SPEF2: variants seen among roughly 807,000 people sequenced by gnomAD.
The protein encoded by SPEF2 is sperm flagellar and cilia associated 2, also known as sperm flagella and cilia-associated protein 2.
A neutral mutation model predicts 224.6 loss-of-function variants in SPEF2; 187 were observed. The observed-to-expected ratio is 0.83, with a 90% confidence interval of 0.74 to 0.94. The LOEUF (loss-of-function observed/expected upper bound fraction) is 0.94. Ranked by LOEUF, SPEF2 falls within the 40% of genes least tolerant of loss-of-function variation. The probability of loss-of-function intolerance (pLI) is 0.00; values close to 1 mark genes in which losing one functional copy is unlikely to be tolerated. For missense variants in SPEF2, 2,170 were observed against 2,135.6 expected (o/e 1.02, Z -0.32); for synonymous variants, 715 against 707.3 (o/e 1.01, Z -0.17).
Position 35,737,122 on chromosome 5 carries a change from CT to C in SPEF2, c.3064-2788del, listed in dbSNP as rs963057045. Among the ~76,000 whole-genome samples the C allele has an allele frequency of 2.8e-4, 43 of 151,484 alleles. 1 individual carries two copies. Among genetic ancestry groups the C allele is most frequent in the Admixed American group, 7.9e-4 (12 of 15,206 alleles). On this transcript the variant is annotated intron_variant, in intron 21 of 36. Coordinates refer to ENST00000356031, the MANE Select transcript of SPEF2 (RefSeq NM_024867.4). ...TCTTGACCTCACTTGTTAACAATTT[CT>C]TTTTTTTTGTCATATCCTCATTTAT...
chr5:35,798,686 C>T (rs1230682752), intron 33 of SPEF2, among the ~76,000 whole-genome samples: 3 of 152,046 alleles, frequency 2.0e-5, no homozygotes, highest in Non-Finnish European at 4.4e-5. Flanking sequence ...CTCCACCTCC[C>T]GGGTTCAAGC....
At chr5:35,808,325 G>T (rs1758309319) in intron 36 of SPEF2, 1 of 243,830 alleles carries the variant, frequency 4.1e-6, no homozygotes, top group African/African-American at 2.3e-5. Context: ...ATGTATACAT[G>T]TGCCATGTTG....
At chr5:35,689,906 T>C (rs1402896220) in intron 10 of SPEF2, among the ~76,000 whole-genome samples, 1 of 152,190 alleles carries the variant, frequency 6.6e-6, no homozygotes, top group African/African-American at 2.4e-5. Context: ...AGTAGAAATT[T>C]CATTATCCAT....
intron 32 of SPEF2, among the ~76,000 whole-genome samples, chr5:35,793,761 C>CATAA (rs1216889436): frequency 6.8e-6 from 1 of 146,854 alleles, no homozygotes; most frequent in Admixed American, 6.8e-5. Context: ...CACACACACA[C>CATAA]ACACACAGGG....
In SPEF2 at chr5:35,671,640, T is replaced by C. The variant is rs148784978; in HGVS notation, c.1524+1413T>C. On this transcript the variant is annotated intron_variant, in intron 10 of 36. Coordinates refer to ENST00000356031, the MANE Select transcript of SPEF2 (RefSeq NM_024867.4). ...CTAAACAGCTCAATCTCTATTCTTGTTGCTCTTACAAATCAGGAGACCTAG... is the reference window on the plus strand; with the variant it reads ...CTAAACAGCTCAATCTCTATTCTTGCTGCTCTTACAAATCAGGAGACCTAG... The C allele has an allele frequency of 1.6e-3, 945 of 579,626 alleles. 10 individuals carry two copies. In the African/African-American group the frequency reaches 0.019, roughly 11 times the overall value. 35.9% of individuals were successfully genotyped at this position (579,626 alleles called of 1,614,324 possible).
intron 10 of SPEF2, chr5:35,670,608 C>T (rs1278011452): frequency 1.0e-6 from 1 of 986,062 alleles, no homozygotes; most frequent in African/African-American, 1.7e-5. Flanking sequence ...AAATAATAGA[C>T]TTTTTTTACA....
chr5:35,813,080 G>T (rs1580820198), intron 36 of SPEF2, among the ~76,000 whole-genome samples: 1 of 152,088 alleles, frequency 6.6e-6, no homozygotes, highest in Non-Finnish European at 1.5e-5. Flanking sequence ...TTTTCCCCTT[G>T]CTATGGAGTG....
intron 30 of SPEF2, chr5:35,791,469 G>C (rs1002785387): frequency 6.6e-6 from 1 of 152,152 alleles, no homozygotes; most frequent in Non-Finnish European, 1.5e-5. Context: ...CCTTGGGATA[G>C]TGTGTCTATG....
chr5:35,722,452 G>A (rs566964096), intron 20 of SPEF2, among the ~76,000 whole-genome samples: 2,078 of 82,182 alleles, frequency 0.025, 46 homozygotes, highest in African/African-American at 0.072. Context: ...GCAACAGTGA[G>A]AGGTTTTTTT....
chr5:35,735,753 T>G (rs1225912783), intron 21 of SPEF2, among the ~76,000 whole-genome samples: 1 of 152,260 alleles, frequency 6.6e-6, no homozygotes, highest in Non-Finnish European at 1.5e-5. Context: ...TGGTTTTGAT[T>G]GTTTATTTGC....
Position 35,773,887 on chromosome 5 carries a change from T to C in SPEF2, c.3950-6T>C. 1.2e-6 allele frequency: 2 copies of C among 1,610,682 alleles called. No individual in the cohort carries two copies. The highest frequency in any genetic ancestry group is 1.7e-6 in the Non-Finnish European group (2 of 1,178,666). On this transcript the variant is annotated splice_polypyrimidine_tract_variant and splice_region_variant and intron_variant, in intron 27 of 36. Coordinates refer to ENST00000356031, the MANE Select transcript of SPEF2 (RefSeq NM_024867.4). Reference sequence around the variant, plus strand: ...GTTTACTCAGCATGTTTCATTGCCCTTTCAGGTAAATCACCACCTATGGCA... The same window carrying C: ...GTTTACTCAGCATGTTTCATTGCCCCTTCAGGTAAATCACCACCTATGGCA...
intron 23 of SPEF2, among the ~76,000 whole-genome samples, chr5:35,740,474 G>A (rs1747420442): frequency 6.6e-6 from 1 of 152,212 alleles, no homozygotes; most frequent in Admixed American, 6.5e-5. Flanking sequence ...CTTCTGGAAA[G>A]AGGGGCCAAA....
chr5:35,699,496 GA>G (rs1173274755), intron 15 of SPEF2: 1 of 152,152 alleles, frequency 6.6e-6, no homozygotes, highest in Non-Finnish European at 1.5e-5. Context: ...AGACTCACTT[GA>G]ATTTGTGTTA....
intron 5 of SPEF2, among the ~76,000 whole-genome samples, chr5:35,647,815 A>G (rs1018889789): frequency 4.6e-5 from 7 of 152,220 alleles, no homozygotes; most frequent in Non-Finnish European, 1.0e-4. Flanking sequence ...TGCTATCAGT[A>G]TATTTAAATT....
In SPEF2 at chr5:35,641,559, TATATC is replaced by T. The variant is rs1746626084; in HGVS notation, c.292_296del (p.Tyr98IlefsTer35). The T allele has an allele frequency of 1.2e-6, 2 of 1,613,854 alleles. No individual in the cohort carries two copies. Reference sequence around the variant, plus strand: ...AAGCCTGGGGTGGCAACAAAGCTGTTATATCAATTGTACATTGCTCTTCAGAAAAA... The same window carrying T: ...AAGCCTGGGGTGGCAACAAAGCTGTTAATTGTACATTGCTCTTCAGAAAAA... On this transcript the variant is annotated frameshift_variant, in exon 3 of 37. Transcript: ENST00000356031. LOFTEE classifies it high-confidence loss of function.
chr5:35,788,438 A>C (rs1236177261), intron 30 of SPEF2: 1 of 702,594 alleles, frequency 1.4e-6, no homozygotes, highest in East Asian at 2.7e-5. Flanking sequence ...ATTAGAAAAA[A>C]GTAAATTTTT....
intron 30 of SPEF2, chr5:35,788,346 G>T (rs950539368): frequency 1.4e-6 from 1 of 702,918 alleles, no homozygotes; most frequent in Non-Finnish European, 2.6e-6. Context: ...GTTGATATTG[G>T]CCCAGTATTC....
At chr5:35,743,758 C>A (rs1748041525) in intron 23 of SPEF2, among the ~76,000 whole-genome samples, 1 of 151,896 alleles carries the variant, frequency 6.6e-6, no homozygotes, top group South Asian at 2.1e-4. Context: ...TGAAAAACTC[C>A]TGTGACTATT....
intron 23 of SPEF2, among the ~76,000 whole-genome samples, chr5:35,743,382 C>CT (rs1337131574): frequency 6.6e-6 from 1 of 151,950 alleles, no homozygotes; most frequent in Non-Finnish European, 1.5e-5. Context: ...GAAAAATAAA[C>CT]TTTGAGTAGA....
Sources: allele counts gnomAD v4.1 joint callset (sites outside exome capture counted in the v4.1 genomes callset), GRCh38; gene constraint gnomAD v4.1.1; transcripts MANE v1.5; gene names NCBI Gene and HGNC (gene_info 2026-07-23, HGNC 2026-07-21).